AATK: variants seen among roughly 807,000 people sequenced by gnomAD.
AATK encodes the protein serine/threonine-protein kinase LMTK1.
A neutral mutation model predicts 114.3 loss-of-function variants in AATK; 91 were observed. That is an observed-to-expected ratio of 0.80 (90% confidence interval 0.67 to 0.95). The LOEUF is 0.95. Among genes scored for constraint, AATK ranks in the 40% least tolerant of loss-of-function variants. AATK has a pLI of 0.00. For synonymous variants in AATK, 1,075 were observed against 916.5 expected (o/e 1.17, Z -3.12); for missense variants, 2,176 against 1,965.2 (o/e 1.11, Z -2.03).
At chr17:81,138,996 C>T (rs1034395807) in intron 1 of AATK, among the ~76,000 whole-genome samples, 31 of 151,314 alleles carry the variant, frequency 2.0e-4, no homozygotes, top group African/African-American at 7.5e-4. Context: ...TGCGTACACA[C>T]GCATGCACGC....
intron 1 of AATK, among the ~76,000 whole-genome samples, chr17:81,157,639 C>A (rs1008476650): frequency 1.3e-5 from 2 of 152,220 alleles, no homozygotes; most frequent in African/African-American, 4.8e-5. Flanking sequence ...CAAGGAATGT[C>A]CCCTCTGTTG....
At chr17:81,142,632 G>A (rs568830353) in intron 1 of AATK, among the ~76,000 whole-genome samples, 2 of 152,326 alleles carry the variant, frequency 1.3e-5, no homozygotes, top group Admixed American at 1.3e-4. Context: ...CAGGGAGCTG[G>A]CAGGGGACCA....
At chr17:81,150,734 T>A (rs6565540) in intron 1 of AATK, among the ~76,000 whole-genome samples, 125,666 of 152,180 alleles carry the variant, frequency 0.83, 51,996 homozygotes, top group East Asian at 0.97. Context: ...CTCTGGCCCC[T>A]AAGGCAGACA....
chr17:81,161,301 T>C (rs1240078356), intron 1 of AATK, among the ~76,000 whole-genome samples: 1 of 152,170 alleles, frequency 6.6e-6, no homozygotes, highest in Non-Finnish European at 1.5e-5. Flanking sequence ...CTCCTGGGCC[T>C]GCATCACTCC....
rs764934482 is a variant in AATK at position 81,121,585 on chromosome 17, G to C, written c.2351C>G (p.Thr784Arg). 9.9e-6 allele frequency: 15 copies of C among 1,508,088 alleles called. No individual in the cohort carries two copies. Among genetic ancestry groups the C allele is most frequent in the Non-Finnish European group, 1.2e-5 (14 of 1,128,896 alleles). 93.4% of individuals were successfully genotyped at this position (1,508,088 alleles called of 1,614,324 possible). Reference sequence around the variant, plus strand: ...GGGTCCGGTAGTGCCCTCAGCCTCCGTGGCAAGCTTGGGCTCTGCCTGCGG... The same window carrying C: ...GGGTCCGGTAGTGCCCTCAGCCTCCCTGGCAAGCTTGGGCTCTGCCTGCGG... ...DHPQAEPKLATEAEGTTGPRL... is the reference protein window; with the variant it reads ...DHPQAEPKLAREAEGTTGPRL... Residue 784 changes from threonine (T) to arginine (R), a missense_variant, in exon 11 of 14, where the codon ACG (threonine) becomes AGG (arginine). Thr to Arg is a moderately conservative substitution (Grantham distance 71). Around this residue, in one of 4 missense-constraint regions of AATK, gnomAD observed 1,701 missense variants for 1,394.7 expected, o/e 1.22. Coordinates refer to ENST00000326724, the MANE Select transcript of AATK (RefSeq NM_001080395.3).
chr17:81,157,093 T>G (rs1022542235), intron 1 of AATK, among the ~76,000 whole-genome samples: 1 of 152,038 alleles, frequency 6.6e-6, no homozygotes. Flanking sequence ...GGGCACCATC[T>G]GCCGCGTGGG....
chr17:81,118,073 G>C lies in AATK; in HGVS notation c.*329C>G. The C allele has an allele frequency of 3.4e-6, 1 of 290,082 alleles. No individual in the cohort carries two copies. Among genetic ancestry groups the C allele is most frequent in the Non-Finnish European group, 6.5e-6 (1 of 153,912 alleles). 18.0% of individuals were successfully genotyped at this position (290,082 alleles called of 1,614,324 possible). ...TCCGAGGCCAGGCAGGCAGGGCAGA[G>C]GGTGGGGGCCGCCGTGCCCAGGGGC... is the stretch of plus-strand genomic sequence containing the variant. On this transcript the variant is annotated 3_prime_UTR_variant, in exon 14 of 14. Coordinates refer to ENST00000326724, the MANE Select transcript of AATK (RefSeq NM_001080395.3).
intron 1 of AATK, among the ~76,000 whole-genome samples, chr17:81,135,013 G>A (rs1036277562): frequency 1.3e-5 from 2 of 152,184 alleles, no homozygotes; most frequent in Non-Finnish European, 2.9e-5. Flanking sequence ...TCCCTGAGAA[G>A]GTGGTGCTGC....
chr17:81,156,677 GT>G (rs2061371184), intron 1 of AATK, among the ~76,000 whole-genome samples: 1 of 152,256 alleles, frequency 6.6e-6, no homozygotes, highest in Non-Finnish European at 1.5e-5. Flanking sequence ...GATTACAGGT[GT>G]GAGCCACCGC....
chr17:81,141,955 TCCTTCC>T (rs2061146279), intron 1 of AATK, among the ~76,000 whole-genome samples: 1 of 81,550 alleles, frequency 1.2e-5, no homozygotes, highest in African/African-American at 3.6e-5. Flanking sequence ...TTCCTTCCTT[TCCTTCC>T]TTCCTTCCTT....
rs1003510588 is a variant in AATK, at chr17:81,123,485, C to T, written c.963-142G>A. 2.9e-5 allele frequency: 21 copies of T among 734,496 alleles called. No individual in the cohort carries two copies. In the African/African-American group the frequency reaches 2.9e-4, roughly 10 times the overall value. 45.5% of individuals were successfully genotyped at this position (734,496 alleles called of 1,614,324 possible). On this transcript the variant is annotated intron_variant, in intron 9 of 13. Transcript: ENST00000326724. ...CGGGGCCTGGTACCATACCAGCCGC[C>T]CCTCCCTGAGGACAGCGCGTCCTTT... is the stretch of plus-strand genomic sequence containing the variant.
intron 1 of AATK, among the ~76,000 whole-genome samples, chr17:81,138,238 T>A: frequency 8.6e-6 from 1 of 115,840 alleles, no homozygotes; most frequent in East Asian, 2.7e-4. Context: ...CACACGCACA[T>A]ACCCACACAC....
chr17:81,156,032 G>T (rs1486510196), intron 1 of AATK, among the ~76,000 whole-genome samples: 2 of 152,056 alleles, frequency 1.3e-5, no homozygotes, highest in Non-Finnish European at 2.9e-5. Flanking sequence ...CAGCCTGAGG[G>T]TTTCCGCAAC....
chr17:81,121,346 C>G lies in AATK; in HGVS notation c.2590G>C (p.Ala864Pro). 1.2e-6 allele frequency: 2 copies of G among 1,612,024 alleles called. No homozygotes were observed. The highest frequency in any genetic ancestry group is 1.7e-6 in the Non-Finnish European group (2 of 1,179,682). The change falls in exon 11 of 14, where the codon GCC becomes CCC. Residue 864 changes from alanine (A) to proline (P), a missense_variant. Physicochemically the swap from Ala to Pro is conservative, Grantham distance 27 (BLOSUM62 -1). Transcript: ENST00000326724. ...EAPSSEDEDTAEATSGIFTDT... is the reference protein window; with the variant it reads ...EAPSSEDEDTPEATSGIFTDT... ...GTGAAGATGCCTGAGGTGGCCTCGGCCGTGTCCTCATCCTCACTGCTGGGT... is the reference window on the plus strand; with the variant it reads ...GTGAAGATGCCTGAGGTGGCCTCGGGCGTGTCCTCATCCTCACTGCTGGGT...
chr17:81,152,066 G>A (rs1294748970), intron 1 of AATK, among the ~76,000 whole-genome samples: 1 of 152,162 alleles, frequency 6.6e-6, no homozygotes, highest in African/African-American at 2.4e-5. Flanking sequence ...CTTGAGGTCG[G>A]AAGTTCGAGA....
rs767993072 is a variant in AATK, at chr17:81,121,897, G to C, written c.2039C>G (p.Ser680Cys). The change falls in exon 11 of 14, where the codon TCC becomes TGC. Residue 680 changes from serine (S) to cysteine (C), a missense_variant. This residue lies in a region of AATK where 1,701 missense variants were observed against 1,394.7 expected (regional missense o/e 1.22). Coordinates refer to ENST00000326724, the MANE Select transcript of AATK (RefSeq NM_001080395.3). ...GCTGTTGTTGTTGGCTGACACGTTG[G>C]AGCGCCAGTGCCCGCGCTGGGCGGC... is the stretch of plus-strand genomic sequence containing the variant. ...RRAAQRGHWRSNVSANNNSGS... is the reference protein window; with the variant it reads ...RRAAQRGHWRCNVSANNNSGS... The C allele has an allele frequency of 2.4e-5, 39 of 1,600,610 alleles. No individual in the cohort carries two copies. Among genetic ancestry groups the C allele is most frequent in the Non-Finnish European group, 3.1e-5 (36 of 1,179,134 alleles).
At chr17:81,155,433 G>T (rs2061349542) in intron 1 of AATK, among the ~76,000 whole-genome samples, 1 of 151,788 alleles carries the variant, frequency 6.6e-6, no homozygotes, top group South Asian at 2.1e-4. Flanking sequence ...TGTCGCCCAA[G>T]TTGGAGTGCA....
intron 12 of AATK, 69 bp downstream of exon 12, chr17:81,119,867 G>A (rs531078128): frequency 3.7e-4 from 517 of 1,387,580 alleles, no homozygotes; most frequent in Non-Finnish European, 4.4e-4. Context: ...ATTAGGCCCC[G>A]CCTCCCACAC....
intron 7 of AATK, chr17:81,125,800 C>A: frequency 2.6e-6 from 1 of 387,392 alleles, no homozygotes; most frequent in Non-Finnish European, 5.2e-6. Context: ...TGTCCTGGGC[C>A]TAGGGGGTGG....
Sources: allele counts gnomAD v4.1 joint callset (sites outside exome capture counted in the v4.1 genomes callset), GRCh38; gene constraint gnomAD v4.1.1; regional missense constraint gnomAD v4.1.1; transcripts MANE v1.5; gene names NCBI Gene and HGNC (gene_info 2026-07-23, HGNC 2026-07-21).